RIMS3: variants seen among roughly 807,000 people sequenced by gnomAD.
The protein encoded by RIMS3 is regulating synaptic membrane exocytosis 3, also known as regulating synaptic membrane exocytosis protein 3.
Under a neutral mutation model 29.2 loss-of-function variants are expected in RIMS3, and 15 were observed. The observed-to-expected ratio is 0.51, with a 90% confidence interval of 0.34 to 0.79. The LOEUF is 0.79. RIMS3 is among the 30% of genes least tolerant of loss of function. The pLI, the probability that RIMS3 is intolerant of heterozygous loss-of-function variation, is 0.01. For synonymous variants in RIMS3, 161 were observed against 170.1 expected (o/e 0.95, Z 0.41); for missense variants, 342 against 421.4 (o/e 0.81, Z 1.65).
chr1:40,678,494 G>A, the RIMS3 span, among the ~76,000 whole-genome samples: 14 of 152,190 alleles, frequency 9.2e-5, no homozygotes, highest in African/African-American at 3.4e-4. Context: ...ATCCTTCCCC[G>A]GCCCCTCTGT....
chr1:40,656,506 G>A (rs537953575), intron 1 of RIMS3, among the ~76,000 whole-genome samples: 4 of 152,250 alleles, frequency 2.6e-5, no homozygotes, highest in African/African-American at 4.8e-5. Context: ...ATTAGAGGCC[G>A]GGCGCGGTGG....
Position 40,629,368 on chromosome 1 carries a change from A to G in RIMS3, c.477T>C (p.Asp159=). 2 of 1,613,844 alleles carry G rather than the reference A, an allele frequency of 1.2e-6. No homozygotes were observed. Among genetic ancestry groups the G allele is most frequent in the East Asian group, 2.2e-5 (1 of 44,864 alleles). Residue 159 remains aspartate (D), a synonymous_variant, in exon 6 of 8, where the codon GAT becomes GAC. Coordinates refer to ENST00000372684, the MANE Select transcript of RIMS3 (RefSeq NM_014747.3). ...RQTLATPPMG[D]VHIAIMDRSG... ...TCCGGTCCATGATGGCAATGTGCACATCTCCTGAAAGGAAGAAGAGGGTGA... is the reference window on the plus strand; with the variant it reads ...TCCGGTCCATGATGGCAATGTGCACGTCTCCTGAAAGGAAGAAGAGGGTGA...
rs144053435 is a variant in RIMS3, at chr1:40,643,837, T to C, written c.-31-1881A>G. Reference sequence around the variant, plus strand: ...TTTCTTTAGGACTGATTCCTCGAAATGGAACGACTGGATCAGGGGGTACAA... The same window carrying C: ...TTTCTTTAGGACTGATTCCTCGAAACGGAACGACTGGATCAGGGGGTACAA... On this transcript the variant is annotated intron_variant, in intron 2 of 7. Coordinates refer to ENST00000372684, the MANE Select transcript of RIMS3 (RefSeq NM_014747.3). Among the ~76,000 whole-genome samples the C allele has an allele frequency of 2.0e-5, 3 of 152,268 alleles. No homozygotes were observed. The East Asian group carries it at 5.8e-4, about 29-fold the overall frequency.
chr1:40,649,450 C>T (rs2148354696), intron 1 of RIMS3, among the ~76,000 whole-genome samples: 1 of 152,362 alleles, frequency 6.6e-6, no homozygotes, highest in African/African-American at 2.4e-5. Context: ...CTGCCCAGTC[C>T]AGAGAGGCAG....
chr1:40,622,767 CA>C lies in RIMS3; in HGVS notation c.*3749del, dbSNP rs1646430495. The C allele has an allele frequency of 6.5e-6, 1 of 152,674 alleles. No homozygotes were observed. The allele number at this position is 152,674 out of a possible 1,614,324, so 9.5% of individuals were successfully genotyped here. A position where few individuals can be genotyped will look rare whatever the true frequency, so the allele number is the denominator to read the frequency against. ...CAAAAGAGGAGCATCACTAAAGCCCCATTGCTTTCTGGGCTGAGGAAGATGG... is the reference window on the plus strand; with the variant it reads ...CAAAAGAGGAGCATCACTAAAGCCCCTTGCTTTCTGGGCTGAGGAAGATGG... On this transcript the variant is annotated 3_prime_UTR_variant, in exon 8 of 8. Transcript: ENST00000372684.
intron 2 of RIMS3, among the ~76,000 whole-genome samples, chr1:40,643,525 G>A (rs1428845105): frequency 7.2e-6 from 1 of 138,886 alleles, no homozygotes; most frequent in African/African-American, 2.8e-5. Context: ...CACTCAGGCT[G>A]GAGTGCAGTG....
At chr1:40,646,674 C>T (rs530686981) in intron 2 of RIMS3, among the ~76,000 whole-genome samples, 39 of 152,260 alleles carry the variant, frequency 2.6e-4, no homozygotes, top group African/African-American at 8.7e-4. Context: ...TGCCAAAACT[C>T]CATGCCAAAA....
intron 4 of RIMS3, among the ~76,000 whole-genome samples, chr1:40,634,003 G>A (rs149546587): frequency 1.3e-5 from 2 of 152,174 alleles, no homozygotes; most frequent in Non-Finnish European, 2.9e-5. Flanking sequence ...GGTTGCTGCT[G>A]TTGTTATCAT....
intron 3 of RIMS3, among the ~76,000 whole-genome samples, chr1:40,638,758 C>T (rs1646537311): frequency 2.0e-5 from 3 of 152,200 alleles, no homozygotes; most frequent in Admixed American, 6.5e-5. Context: ...TCTGACCCCA[C>T]CCTCCTCACT....
At chr1:40,691,695 G>A in the RIMS3 span, 2 of 452,180 alleles carry the variant, frequency 4.4e-6, no homozygotes, top group Admixed American at 4.7e-5. Context: ...AGGGAAAAGG[G>A]GAAACGGTGC....
At chr1:40,677,016 T>G in the RIMS3 span, among the ~76,000 whole-genome samples, 3 of 138,880 alleles carry the variant, frequency 2.2e-5, no homozygotes, top group South Asian at 2.3e-4. Flanking sequence ...TTTTTTTTTT[T>G]GAGATAGAGT....
intron 7 of RIMS3, 106 bp from the exon 8 acceptor site, chr1:40,626,835 G>A: frequency 2.0e-6 from 2 of 995,810 alleles, no homozygotes; most frequent in Non-Finnish European, 3.2e-6. Flanking sequence ...TGGAGCAGAG[G>A]GAGCCAGAAC....
intron 1 of RIMS3, among the ~76,000 whole-genome samples, chr1:40,649,936 C>T (rs2780944): frequency 0.37 from 55,689 of 151,912 alleles, 11,457 homozygotes; most frequent in African/African-American, 0.56. Flanking sequence ...GCAATACAGA[C>T]TCCAGACATA....
At position 40,623,375 on chromosome 1, in the gene RIMS3, G is replaced by T; in HGVS notation, c.*3142C>A. ...ATTGCAGGGAAAAGGAGTCTATGAA[G>T]AAAGTGGGACAGAATGAACAGAGCA... is the stretch of plus-strand genomic sequence containing the variant. On this transcript the variant is annotated 3_prime_UTR_variant, in exon 8 of 8. Coordinates refer to ENST00000372684, the MANE Select transcript of RIMS3 (RefSeq NM_014747.3). The T allele has an allele frequency of 5.0e-6, 2 of 398,538 alleles. No individual in the cohort carries two copies. The highest frequency in any genetic ancestry group is 8.8e-6 in the Non-Finnish European group (2 of 226,056). 24.7% of individuals were successfully genotyped at this position (398,538 alleles called of 1,614,324 possible). A position where few individuals can be genotyped will look rare whatever the true frequency, so the allele number is the denominator to read the frequency against.
Position 40,636,601 on chromosome 1 carries a change from A to G in RIMS3, c.218-544T>C, listed in dbSNP as rs2148347623. Among the ~76,000 whole-genome samples the G allele has an allele frequency of 1.3e-5, 2 of 152,014 alleles. No individual in the cohort carries two copies. Among genetic ancestry groups the G allele is most frequent in the Middle Eastern group, 6.8e-3 (2 of 294 alleles). ...AGCCTGGCCACTCTCAAACAAACCCACCTTCTCTAGGTGGGGCTGAACATG... is the reference window on the plus strand; with the variant it reads ...AGCCTGGCCACTCTCAAACAAACCCGCCTTCTCTAGGTGGGGCTGAACATG... On this transcript the variant is annotated intron_variant, in intron 3 of 7. Transcript: ENST00000372684. The surrounding 1 kb of genome is among the most constrained non-coding windows in gnomAD (Gnocchi z 4.2).
intron 5 of RIMS3, 105 bp downstream of exon 5, chr1:40,632,964 G>T: frequency 1.2e-6 from 1 of 863,794 alleles, no homozygotes; most frequent in East Asian, 2.4e-5. Flanking sequence ...CAGAATTGGT[G>T]ATAGAATAAA....
At chr1:40,633,601 G>A (rs964221919) in intron 4 of RIMS3, among the ~76,000 whole-genome samples, 7 of 152,194 alleles carry the variant, frequency 4.6e-5, no homozygotes, top group Admixed American at 2.6e-4. Flanking sequence ...CTGCAAGTTT[G>A]AAATCCAAGT....
chr1:40,671,201 T>TG, the RIMS3 span, among the ~76,000 whole-genome samples: 1 of 152,150 alleles, frequency 6.6e-6, no homozygotes, highest in Admixed American at 6.6e-5. Flanking sequence ...TGGGTGGTGA[T>TG]GTTCTTCACC....
chr1:40,689,629 T>C, the RIMS3 span, among the ~76,000 whole-genome samples: 1 of 152,170 alleles, frequency 6.6e-6, no homozygotes, highest in Non-Finnish European at 1.5e-5. Context: ...AAGGCCAAGC[T>C]TGACGACATT....
Sources: gnomAD v4.1 joint callset for allele counts (sites outside exome capture counted in the v4.1 genomes callset) on GRCh38, gnomAD v4.1.1 for gene constraint, Gnocchi (gnomAD v3.1) non-coding constraint, MANE v1.5 for transcripts, NCBI Gene and HGNC (gene_info 2026-07-23, HGNC 2026-07-21) for gene names.